ZFHX4: variants seen among roughly 807,000 people sequenced by gnomAD.
ZFHX4 encodes zinc finger homeobox 4.
Under a neutral mutation model 267.6 loss-of-function variants are expected in ZFHX4, and 56 were observed. The ratio of observed to expected loss-of-function variants is 0.21; its 90% CI spans 0.17 to 0.26. The LOEUF (loss-of-function observed/expected upper bound fraction) is 0.26. Ranked by LOEUF, ZFHX4 falls within the 10% of genes least tolerant of loss-of-function variation. The probability of loss-of-function intolerance (pLI) is 1.00; values close to 1 mark genes in which losing one functional copy is unlikely to be tolerated. For missense variants in ZFHX4, 4,332 were observed against 4,420.0 expected, an observed-to-expected ratio of 0.98 and a Z score of 0.56; for synonymous variants, 1,778 against 1,665.6, an observed-to-expected ratio of 1.07 and a Z score of -1.64.
At chr8:76,790,524 G>T (rs1185579742) in intron 4 of ZFHX4, among the ~76,000 whole-genome samples, 1 of 152,044 alleles carries the variant, frequency 6.6e-6, no homozygotes, top group African/African-American at 2.4e-5. Flanking sequence ...GTCTCCACTG[G>T]AAACATTAAA....
intron 4 of ZFHX4, among the ~76,000 whole-genome samples, chr8:76,819,149 T>G (rs1432636869): frequency 7.3e-5 from 11 of 151,708 alleles, no homozygotes; most frequent in East Asian, 1.9e-4. Context: ...AAGGTTTTTT[T>G]TTTTTTTTTT....
Position 76,704,356 on chromosome 8 carries a change from C to T in ZFHX4, c.268C>T (p.Pro90Ser). The T allele has an allele frequency of 6.2e-7, 1 of 1,614,014 alleles. No homozygotes were observed. Among genetic ancestry groups the T allele is most frequent in the Non-Finnish European group, 8.5e-7 (1 of 1,179,902 alleles). The change falls in exon 2 of 11, where the codon CCC becomes TCC. Residue 90 changes from proline to serine, a missense_variant. By Grantham distance (74) the Pro-to-Ser change is moderately conservative. Coordinates refer to ENST00000651372, the MANE Select transcript of ZFHX4 (RefSeq NM_024721.5). ...IPCNECATSF[P>S]SLQKYMEHHC... ...CTGCAACGAATGTGCCACTTCTTTT[C>T]CCAGTTTACAGAAATACATGGAACA...
intron 5 of ZFHX4, among the ~76,000 whole-genome samples, chr8:76,841,661 G>A (rs1448971723): frequency 6.6e-6 from 1 of 152,154 alleles, no homozygotes; most frequent in African/African-American, 2.4e-5. Context: ...TGAGCCTGGT[G>A]CTTCAAATCC....
intron 3 of ZFHX4, among the ~76,000 whole-genome samples, chr8:76,710,255 A>G (rs1808388347): frequency 6.6e-6 from 1 of 152,096 alleles, no homozygotes; most frequent in South Asian, 2.1e-4. Flanking sequence ...ATTCTTTTGC[A>G]TTTTCTTTCA....
intron 3 of ZFHX4, among the ~76,000 whole-genome samples, chr8:76,708,955 C>A (rs1439837173): frequency 6.6e-6 from 1 of 152,086 alleles, no homozygotes; most frequent in South Asian, 2.1e-4. Context: ...ATATTGCAAA[C>A]CATTAGTCAT....
At chr8:76,702,827 A>C (rs1808138943) in intron 1 of ZFHX4, among the ~76,000 whole-genome samples, 1 of 152,140 alleles carries the variant, frequency 6.6e-6, no homozygotes, top group African/African-American at 2.4e-5. Flanking sequence ...TTACAGGCCG[A>C]AAATAAACAC....
chr8:76,770,241 C>T (rs1257190626), intron 3 of ZFHX4, among the ~76,000 whole-genome samples: 1 of 152,172 alleles, frequency 6.6e-6, no homozygotes, highest in African/African-American at 2.4e-5. Context: ...GCATATAGCA[C>T]ATCCTTTTCC....
chr8:76,684,413 G>T (rs1807639724), intron 1 of ZFHX4, among the ~76,000 whole-genome samples: 1 of 152,092 alleles, frequency 6.6e-6, no homozygotes, highest in South Asian at 2.1e-4. Flanking sequence ...TTCTTTTTTT[G>T]AATGGTTTTA....
intron 3 of ZFHX4, among the ~76,000 whole-genome samples, chr8:76,730,686 G>A (rs929003496): frequency 3.9e-5 from 6 of 152,156 alleles, no homozygotes; most frequent in Admixed American, 6.5e-5. Context: ...GTGACAGAGC[G>A]AGACTCCATC....
At chr8:76,695,965 T>C (rs1807944862) in intron 1 of ZFHX4, among the ~76,000 whole-genome samples, 1 of 152,220 alleles carries the variant, frequency 6.6e-6, no homozygotes, top group Non-Finnish European at 1.5e-5. Context: ...TTTAATTAAC[T>C]CTTATTGCAT....
Position 76,853,607 on chromosome 8 carries a change from C to T in ZFHX4, c.6686C>T (p.Ser2229Phe). The T allele has an allele frequency of 6.2e-7, 1 of 1,613,810 alleles. No individual in the cohort carries two copies. The highest frequency in any genetic ancestry group is 8.5e-7 in the Non-Finnish European group (1 of 1,179,852). ...KSDASFSKRS[S>F]RTRFTDYQLR... ...GATGCATCATTCAGTAAAAGGTCTT[C>T]TAGAACGAGATTTACTGACTACCAG... is the stretch of plus-strand genomic sequence containing the variant. Residue 2229 changes from serine to phenylalanine, a missense_variant, in exon 10 of 11, where the codon TCT becomes TTT. Physicochemically the swap from Ser to Phe is radical, Grantham distance 155. Transcript: ENST00000651372.
intron 3 of ZFHX4, among the ~76,000 whole-genome samples, chr8:76,749,282 C>A (rs1809552364): frequency 1.3e-5 from 2 of 152,126 alleles, no homozygotes; most frequent in South Asian, 4.1e-4. Flanking sequence ...TTTCCTGTCC[C>A]AGCTGTCTGA....
chr8:76,768,112 G>T (rs891234131), intron 3 of ZFHX4, among the ~76,000 whole-genome samples: 6 of 152,112 alleles, frequency 3.9e-5, no homozygotes, highest in Non-Finnish European at 7.4e-5. Flanking sequence ...ACATTGACAA[G>T]GGTAGAAAGA....
At chr8:76,714,148 G>A (rs1808504053) in intron 3 of ZFHX4, among the ~76,000 whole-genome samples, 1 of 152,150 alleles carries the variant, frequency 6.6e-6, no homozygotes, top group Non-Finnish European at 1.5e-5. Context: ...GCAGACAAAG[G>A]TGTTCTCTCA....
At position 76,704,978 on chromosome 8, in the gene ZFHX4, C is replaced by T. The variant is rs941624915; in HGVS notation, c.890C>T (p.Ala297Val). The change falls in exon 2 of 11, where the codon GCT becomes GTT. Residue 297 changes from alanine (A) to valine (V), a missense_variant. Around this residue, in one of 7 missense-constraint regions of ZFHX4, gnomAD observed 1,195 missense variants for 1,173.6 expected, o/e 1.02. Transcript: ENST00000651372. Reference sequence around the variant, plus strand: ...TATATCAGGTCATTTGTAACCCATGCTGTGCATGATCATCGGATGACCCTC... The same window carrying T: ...TATATCAGGTCATTTGTAACCCATGTTGTGCATGATCATCGGATGACCCTC... Reference protein sequence around the residue: ...FGYIRSFVTHAVHDHRMTLND... With the variant: ...FGYIRSFVTHVVHDHRMTLND... 68 of 1,613,836 alleles carry T rather than the reference C, an allele frequency of 4.2e-5. No individual in the cohort carries two copies. The highest frequency in any genetic ancestry group is 5.8e-5 in the Non-Finnish European group (68 of 1,179,876).
chr8:76,697,497 G>C (rs1807989754), intron 1 of ZFHX4, among the ~76,000 whole-genome samples: 2 of 151,950 alleles, frequency 1.3e-5, no homozygotes, highest in Admixed American at 1.3e-4. Flanking sequence ...TTAAAGACTA[G>C]CAATATAACA....
intron 4 of ZFHX4, chr8:76,782,100 A>ATTTTTTTTTTTTTTTTTTTTTTTTTTT (rs77420241): frequency 1.3e-5 from 3 of 236,754 alleles, no homozygotes; most frequent in African/African-American, 3.4e-5. Flanking sequence ...TCAGTTAAGA[A>ATTTTTTTTTTTTTTTTTTTTTTTTTTT]TTTTTTTTTT....
chr8:76,768,855 A>G (rs2131745154), intron 3 of ZFHX4, among the ~76,000 whole-genome samples: 1 of 152,322 alleles, frequency 6.6e-6, no homozygotes, highest in Non-Finnish European at 1.5e-5. Context: ...ATATCAAAAG[A>G]TGAGGCGAGC....
chr8:76,703,923 T>A (rs1808170570), intron 1 of ZFHX4, 120 bp from the exon 2 acceptor site: 2 of 747,110 alleles, frequency 2.7e-6, no homozygotes, highest in Non-Finnish European at 2.1e-6. Context: ...CGGTTTTAAG[T>A]TTTTCCCCTT....
Sources: gnomAD v4.1 joint callset for allele counts (sites outside exome capture counted in the v4.1 genomes callset) on GRCh38, gnomAD v4.1.1 for gene constraint, gnomAD v4.1.1 regional missense constraint, MANE v1.5 for transcripts, NCBI Gene and HGNC (gene_info 2026-07-23, HGNC 2026-07-21) for gene names.